Variants in CATSPERH observed in about 807,000 individuals in gnomAD.
CATSPERH encodes cation channel sperm-associated auxiliary subunit eta.
chr11:65,088,498 G>C, the CATSPERH span: 112 of 1,536,018 alleles, frequency 7.3e-5, no homozygotes, highest in Non-Finnish European at 9.7e-5. Flanking sequence ...AAACTCCAAG[G>C]ACAGGCGGTT....
At chr11:65,088,404 G>C in the CATSPERH span, 1 of 1,508,540 alleles carries the variant, frequency 6.6e-7, no homozygotes. Context: ...TAAAACACCC[G>C]AGGCAGCCTT....
the CATSPERH span, chr11:65,088,685 G>C: frequency 4.2e-5 from 65 of 1,536,166 alleles, no homozygotes; most frequent in African/African-American, 2.6e-4. Flanking sequence ...AGACGTACTT[G>C]TTTTCTGTCA....
At chr11:65,089,100 G>T in the CATSPERH span, 4 of 1,290,092 alleles carry the variant, frequency 3.1e-6, no homozygotes, top group South Asian at 4.0e-5. Flanking sequence ...AGGAAAAGCA[G>T]CAGAGTCTCT....
the CATSPERH span, chr11:65,088,924 G>A: frequency 4.8e-5 from 73 of 1,535,738 alleles, 1 homozygote; most frequent in African/African-American, 3.0e-4. Context: ...AGTTGTGCAC[G>A]TCTCTGATGA....
chr11:65,088,544 C>T, the CATSPERH span: 5 of 1,532,064 alleles, frequency 3.3e-6, no homozygotes, highest in Admixed American at 7.8e-5. Context: ...GGGCGGGGGA[C>T]AGAGCCCCCC....
chr11:65,088,887 T>C, the CATSPERH span: 6 of 1,535,776 alleles, frequency 3.9e-6, no homozygotes, highest in Admixed American at 7.8e-5. Flanking sequence ...TGAAAGCTCA[T>C]GTGGTCATAG....
At chr11:65,088,470 C>T in the CATSPERH span, 1 of 1,536,140 alleles carries the variant, frequency 6.5e-7, no homozygotes, top group Non-Finnish European at 8.7e-7. Flanking sequence ...GGTGCTCCTC[C>T]CGGTACTCGA....
the CATSPERH span, chr11:65,088,635 C>A: frequency 6.5e-7 from 1 of 1,535,710 alleles, no homozygotes; most frequent in Non-Finnish European, 8.7e-7. Context: ...TGCACCCTCC[C>A]ACTCCTGCCA....
At chr11:65,089,031 T>G in the CATSPERH span, 1 of 1,535,444 alleles carries the variant, frequency 6.5e-7, no homozygotes, top group Admixed American at 2.0e-5. Context: ...TGCAGCCACA[T>G]CTTGCCCGCA....
the CATSPERH span, chr11:65,088,667 G>A: frequency 1.7e-3 from 2,649 of 1,536,350 alleles, 5 homozygotes; most frequent in Non-Finnish European, 2.0e-3. Context: ...TGGTCAGGGC[G>A]GAGAAGCAGA....
chr11:65,089,056 C>G, the CATSPERH span: 1 of 1,528,808 alleles, frequency 6.5e-7, no homozygotes, highest in South Asian at 1.2e-5. Flanking sequence ...AGATGCAAGT[C>G]AGACTTGAGA....
the CATSPERH span, chr11:65,088,992 T>G: frequency 6.5e-7 from 1 of 1,535,732 alleles, no homozygotes; most frequent in Non-Finnish European, 8.7e-7. Context: ...ATCATGCCTT[T>G]TGGGAAGAAG....
At chr11:65,088,762 T>C in the CATSPERH span, 58 of 1,535,916 alleles carry the variant, frequency 3.8e-5, no homozygotes, top group African/African-American at 6.7e-4. Context: ...TGTAGGCCCA[T>C]CCAGTGGGAG....
chr11:65,089,109 C>G, the CATSPERH span: 54 of 1,200,250 alleles, frequency 4.5e-5, 1 homozygote, highest in South Asian at 7.0e-4. Flanking sequence ...AGCAGAGTCT[C>G]TGGTTCTAAA....
the CATSPERH span, chr11:65,088,670 G>A: frequency 6.5e-7 from 1 of 1,536,356 alleles, no homozygotes. Flanking sequence ...TCAGGGCGGA[G>A]AAGCAGACGT....
the CATSPERH span, chr11:65,088,548 G>T: frequency 6.5e-7 from 1 of 1,530,088 alleles, no homozygotes; most frequent in Non-Finnish European, 8.8e-7. Context: ...GGGGGACAGA[G>T]CCCCCCATGA....
At chr11:65,088,697 C>T in the CATSPERH span, 3 of 1,536,240 alleles carry the variant, frequency 2.0e-6, no homozygotes, top group Non-Finnish European at 2.6e-6. Flanking sequence ...TTTCTGTCAT[C>T]TCAGCATAGA....
At chr11:65,088,679 G>T in the CATSPERH span, 6 of 1,536,298 alleles carry the variant, frequency 3.9e-6, no homozygotes, top group East Asian at 4.9e-5. Flanking sequence ...AGAAGCAGAC[G>T]TACTTGTTTT....
the CATSPERH span, chr11:65,088,924 G>C: frequency 1.3e-6 from 2 of 1,535,738 alleles, no homozygotes; most frequent in Non-Finnish European, 1.7e-6. Flanking sequence ...AGTTGTGCAC[G>C]TCTCTGATGA....
Sources: gnomAD v4.1 joint callset for allele counts on GRCh38, gnomAD v4.1.1 for gene constraint, MANE v1.5 for transcripts, NCBI Gene and HGNC (gene_info 2026-07-23, HGNC 2026-07-21) for gene names.